Variants in SHOC2 observed in about 807,000 individuals in gnomAD.
SHOC2 encodes the protein leucine-rich repeat protein SHOC-2.
Under a neutral mutation model 50.2 loss-of-function variants are expected in SHOC2, and 4 were observed. The observed-to-expected ratio is 0.08, with a 90% CI of 0.04 to 0.18. The LOEUF (loss-of-function observed/expected upper bound fraction) is 0.18. SHOC2 is among the 10% of genes least tolerant of loss of function. The pLI, the probability that SHOC2 is intolerant of heterozygous loss-of-function variation, is 1.00. For synonymous variants in SHOC2, 218 were observed against 244.5 expected (o/e 0.89, Z 1.01); for missense variants, 388 against 669.6 (o/e 0.58, Z 4.64).
At chr10:110,930,735 C>CTTTTTTTTTTTTTTTTTTTTTTTTT (rs772553111) in intron 1 of SHOC2, among the ~76,000 whole-genome samples, 6 of 96,804 alleles carry the variant, frequency 6.2e-5, no homozygotes, top group Admixed American at 2.8e-4. Flanking sequence ...ACGAGTAAAT[C>CTTTTTTTTTTTTTTTTTTTTTTTTT]TTTTTTTTTT....
intron 1 of SHOC2, chr10:110,936,858 C>A: frequency 7.4e-7 from 1 of 1,356,534 alleles, no homozygotes; most frequent in Middle Eastern, 2.1e-4. Flanking sequence ...AGACGCACAA[C>A]CTTGAGGGCA....
intron 2 of SHOC2, among the ~76,000 whole-genome samples, chr10:110,970,966 G>T (rs1455550757): frequency 1.3e-5 from 2 of 152,006 alleles, no homozygotes; most frequent in African/African-American, 4.8e-5. Flanking sequence ...TCTATTGTCA[G>T]ATGAGTAGTT....
chr10:110,990,607 A>C (rs568190947), intron 3 of SHOC2, among the ~76,000 whole-genome samples: 1 of 152,260 alleles, frequency 6.6e-6, no homozygotes, highest in South Asian at 2.1e-4. Context: ...ACTCGGCTCT[A>C]CCAATCAGCA....
chr10:110,988,444 G>A (rs749399571), intron 3 of SHOC2, among the ~76,000 whole-genome samples: 1 of 151,978 alleles, frequency 6.6e-6, no homozygotes, highest in Non-Finnish European at 1.5e-5. Context: ...GTCTTTCAAG[G>A]AATATATTTG....
At chr10:110,943,649 T>G (rs1280139261) in intron 1 of SHOC2, among the ~76,000 whole-genome samples, 1 of 152,218 alleles carries the variant, frequency 6.6e-6, no homozygotes. Context: ...TGATCAATAA[T>G]AAATGGCTGA....
chr10:110,932,805 TG>T (rs1846920332), intron 1 of SHOC2, among the ~76,000 whole-genome samples: 1 of 152,224 alleles, frequency 6.6e-6, no homozygotes, highest in South Asian at 2.1e-4. Flanking sequence ...TGTTATTGCA[TG>T]GTTTGCACCT....
At chr10:110,999,611 C>T (rs1019805421) in intron 3 of SHOC2, among the ~76,000 whole-genome samples, 1 of 151,602 alleles carries the variant, frequency 6.6e-6, no homozygotes, top group African/African-American at 2.4e-5. Flanking sequence ...GTGGTGGGCA[C>T]CTGTAATCCC....
intron 1 of SHOC2, among the ~76,000 whole-genome samples, chr10:110,934,907 T>C (rs1191381458): frequency 4.6e-5 from 7 of 152,172 alleles, no homozygotes; most frequent in African/African-American, 1.4e-4. Context: ...TCAAAAGATA[T>C]AGAAAGGTAA....
At chr10:111,004,846 C>A in intron 5 of SHOC2, 52 bp downstream of exon 5, 1 of 1,206,728 alleles carries the variant, frequency 8.3e-7, no homozygotes, top group Non-Finnish European at 1.2e-6. Context: ...TTGGTACTTC[C>A]ACTAATATTT....
Position 110,968,385 on chromosome 10 carries a change from T to C in SHOC2, c.703+3324T>C, listed in dbSNP as rs142985968. ...ACCTGTGCTCAATGATCAAGTAAAA[T>C]GGAAATTTGACATTTTTTAAAGTGT... On this transcript the variant is annotated intron_variant, in intron 2 of 8. Transcript: ENST00000369452. 1.9e-4 allele frequency among the ~76,000 whole-genome samples: 29 copies of C among 152,230 alleles called. No individual in the cohort carries two copies. The East Asian group carries it at 5.6e-3, about 29-fold the overall frequency.
intron 1 of SHOC2, among the ~76,000 whole-genome samples, chr10:110,929,977 G>A (rs1196434959): frequency 1.3e-5 from 2 of 152,156 alleles, no homozygotes; most frequent in Non-Finnish European, 2.9e-5. Context: ...TCAATATCTT[G>A]AGTAACTTCT....
chr10:110,991,014 A>C (rs1056548771), intron 3 of SHOC2, among the ~76,000 whole-genome samples: 2 of 152,188 alleles, frequency 1.3e-5, no homozygotes, highest in African/African-American at 4.8e-5. Context: ...TTTCTCCTAA[A>C]TATCTGTGTA....
chr10:110,983,741 C>T (rs1848027635), intron 2 of SHOC2, among the ~76,000 whole-genome samples: 1 of 152,104 alleles, frequency 6.6e-6, no homozygotes, highest in Non-Finnish European at 1.5e-5. Context: ...TTGACTATTC[C>T]AGGTACCTCA....
intron 2 of SHOC2, among the ~76,000 whole-genome samples, chr10:110,982,076 G>A (rs1474755661): frequency 7.2e-6 from 1 of 138,926 alleles, no homozygotes; most frequent in African/African-American, 2.7e-5. Flanking sequence ...TCATTGTTCA[G>A]TTCCCACCTA....
chr10:110,953,694 T>TGA (rs986318516), intron 1 of SHOC2, among the ~76,000 whole-genome samples: 3 of 151,664 alleles, frequency 2.0e-5, no homozygotes, highest in African/African-American at 4.8e-5. Context: ...AGTAAATCTT[T>TGA]GAGAGAGAGA....
chr10:110,970,727 ATG>A (rs1187785319), intron 2 of SHOC2, among the ~76,000 whole-genome samples: 74 of 27,484 alleles, frequency 2.7e-3, no homozygotes, highest in African/African-American at 5.4e-3. Flanking sequence ...TGTTGTGATG[ATG>A]TTTTTTTTTT....
At chr10:110,942,155 T>A (rs1847160215) in intron 1 of SHOC2, among the ~76,000 whole-genome samples, 1 of 152,196 alleles carries the variant, frequency 6.6e-6, no homozygotes, top group Non-Finnish European at 1.5e-5. Context: ...TTACGCAGAT[T>A]TTCTAAATGT....
chr10:110,935,420 A>G (rs957602350), intron 1 of SHOC2, among the ~76,000 whole-genome samples: 1 of 152,224 alleles, frequency 6.6e-6, no homozygotes, highest in Non-Finnish European at 1.5e-5. Context: ...ATTCCCTTGA[A>G]AAAACTTCAG....
chr10:110,984,716 A>G (rs1411672283), intron 2 of SHOC2, among the ~76,000 whole-genome samples: 2 of 152,214 alleles, frequency 1.3e-5, no homozygotes, highest in African/African-American at 2.4e-5. Flanking sequence ...TAAATTGCCA[A>G]TACAGAGCTT....
Sources: allele counts gnomAD v4.1 joint callset (sites outside exome capture counted in the v4.1 genomes callset), GRCh38; gene constraint gnomAD v4.1.1; transcripts MANE v1.5; gene names NCBI Gene and HGNC (gene_info 2026-07-23, HGNC 2026-07-21).